Variants in ATRNL1 observed in about 807,000 individuals in gnomAD.
ATRNL1 encodes attractin like 1, also known as attractin-like protein 1.
Under a neutral mutation model 182.7 loss-of-function variants are expected in ATRNL1, and 95 were observed. The observed-to-expected ratio is 0.52, with a 90% CI of 0.44 to 0.62. The LOEUF (loss-of-function observed/expected upper bound fraction) is 0.62. Among genes scored for constraint, ATRNL1 ranks in the 20% least tolerant of loss-of-function variants. The pLI, the probability that ATRNL1 is intolerant of heterozygous loss-of-function variation, is 0.00. For missense variants in ATRNL1, 1,471 were observed against 1,679.5 expected, an observed-to-expected ratio of 0.88 and a Z score of 2.17; for synonymous variants, 576 against 568.3, an observed-to-expected ratio of 1.01 and a Z score of -0.19.
intron 8 of ATRNL1, among the ~76,000 whole-genome samples, chr10:115,207,481 G>T (rs1282815789): frequency 2.0e-5 from 3 of 151,756 alleles, no homozygotes; most frequent in Non-Finnish European, 2.9e-5. Flanking sequence ...GCAATAGCAG[G>T]TATAATTTTC....
chr10:115,171,891 AG>A (rs1177916493), intron 8 of ATRNL1, among the ~76,000 whole-genome samples: 1 of 152,070 alleles, frequency 6.6e-6, no homozygotes, highest in Non-Finnish European at 1.5e-5. Flanking sequence ...TTTTTAAAAC[AG>A]TGGTAACCTT....
At chr10:115,291,419 C>G (rs1288775944) in intron 15 of ATRNL1, among the ~76,000 whole-genome samples, 2 of 152,052 alleles carry the variant, frequency 1.3e-5, no homozygotes, top group African/African-American at 4.8e-5. Context: ...TTTAGCTTTT[C>G]CTGTTCAGTA....
chr10:115,204,219 A>G (rs1848712540), intron 8 of ATRNL1, among the ~76,000 whole-genome samples: 1 of 151,940 alleles, frequency 6.6e-6, no homozygotes, highest in African/African-American at 2.4e-5. Flanking sequence ...AGTTTTTTAC[A>G]TATAACATCA....
intron 27 of ATRNL1, among the ~76,000 whole-genome samples, chr10:115,804,206 T>C (rs1949865879): frequency 6.6e-6 from 1 of 152,210 alleles, no homozygotes; most frequent in Admixed American, 6.5e-5. Flanking sequence ...GGCTCTTAAC[T>C]ACTTTGATGC....
intron 19 of ATRNL1, among the ~76,000 whole-genome samples, chr10:115,368,229 G>T (rs1857173155): frequency 6.6e-6 from 1 of 152,230 alleles, no homozygotes. Context: ...ATCTCGCGGT[G>T]CGCCGTTTTT....
intron 21 of ATRNL1, 101 bp downstream of exon 21, chr10:115,426,403 G>T: frequency 5.2e-6 from 4 of 772,468 alleles, no homozygotes; most frequent in South Asian, 4.2e-5. Context: ...TGAATATCTT[G>T]CAATTTCTAT....
chr10:115,830,246 A>G (rs1487189594), intron 27 of ATRNL1, among the ~76,000 whole-genome samples: 4 of 152,198 alleles, frequency 2.6e-5, no homozygotes, highest in Non-Finnish European at 5.9e-5. Flanking sequence ...AAGAATATGT[A>G]GGAAAAAAAT....
At chr10:115,764,508 T>G (rs1180305326) in intron 27 of ATRNL1, among the ~76,000 whole-genome samples, 1 of 152,164 alleles carries the variant, frequency 6.6e-6, no homozygotes, top group Non-Finnish European at 1.5e-5. Flanking sequence ...TGGCAAACAC[T>G]GATCTTTTTA....
rs149507147 is a variant in ATRNL1 at position 115,942,174 on chromosome 10, G to A, written c.4019-2484G>A. On this transcript the variant is annotated intron_variant, in intron 28 of 28. Coordinates refer to ENST00000355044, the MANE Select transcript of ATRNL1 (RefSeq NM_207303.4). The stretch of plus-strand genomic sequence containing the variant: ...AAGGCTCCCTTTTCCTTTAAATAAT[G>A]CACTTACATAATTCCATGCATCCAC... Among the ~76,000 whole-genome samples, 674 of 152,234 alleles carry A rather than the reference G, an allele frequency of 4.4e-3. 5 individuals are homozygous for A. The highest frequency in any genetic ancestry group is 0.016 in the African/African-American group (644 of 41,540).
At chr10:115,210,789 G>T (rs1564823127) in intron 8 of ATRNL1, among the ~76,000 whole-genome samples, 1 of 151,638 alleles carries the variant, frequency 6.6e-6, no homozygotes, top group Non-Finnish European at 1.5e-5. Context: ...TTAGTGGTTG[G>T]TCTGTGTGTT....
rs186870784 is a variant in ATRNL1, at chr10:115,814,606, A to G, written c.3904-33271A>G. 1.1e-4 allele frequency among the ~76,000 whole-genome samples: 16 copies of G among 152,186 alleles called. No homozygotes were observed. The East Asian group carries it at 2.5e-3, about 24-fold the overall frequency. On this transcript the variant is annotated intron_variant, in intron 27 of 28. Coordinates refer to ENST00000355044, the MANE Select transcript of ATRNL1 (RefSeq NM_207303.4). ...TTGCTCACTGGACAAGGCAGACTAA[A>G]TGTTTTTTTCCTAAGGGTTTCTTCT...
At chr10:115,735,221 A>G (rs1267648392) in intron 27 of ATRNL1, among the ~76,000 whole-genome samples, 2 of 152,200 alleles carry the variant, frequency 1.3e-5, no homozygotes, top group Non-Finnish European at 2.9e-5. Context: ...TCTTTTGATA[A>G]TAAACTCTCT....
intron 17 of ATRNL1, 98 bp from the exon 18 acceptor site, chr10:115,315,420 A>C: frequency 3.4e-6 from 3 of 879,980 alleles, no homozygotes; most frequent in Non-Finnish European, 5.2e-6. Flanking sequence ...ATGACCTTTC[A>C]TGGTTTTTAT....
chr10:115,921,316 T>C (rs1385993815), intron 28 of ATRNL1, among the ~76,000 whole-genome samples: 2 of 82,656 alleles, frequency 2.4e-5, no homozygotes. Context: ...ATATAGGTTG[T>C]ATTTAAGCAG....
At chr10:115,206,366 G>A (rs996302638) in intron 8 of ATRNL1, among the ~76,000 whole-genome samples, 4 of 151,762 alleles carry the variant, frequency 2.6e-5, no homozygotes. Flanking sequence ...ACATCTTTTT[G>A]TTTTGTTTTT....
chr10:115,163,326 T>C (rs1846887188), intron 6 of ATRNL1, among the ~76,000 whole-genome samples: 1 of 151,594 alleles, frequency 6.6e-6, no homozygotes, highest in South Asian at 2.1e-4. Flanking sequence ...TTATTTTTTC[T>C]TTTATTTCTT....
intron 19 of ATRNL1, among the ~76,000 whole-genome samples, chr10:115,368,606 TCTAACAAAAA>T (rs1465683645): frequency 6.6e-6 from 1 of 152,058 alleles, no homozygotes; most frequent in African/African-American, 2.4e-5. Flanking sequence ...ATTCTTCCTT[TCTAACAAAAA>T]CTTTGTACAT....
chr10:115,163,404 C>G (rs1326044123), intron 6 of ATRNL1, among the ~76,000 whole-genome samples: 1 of 150,516 alleles, frequency 6.6e-6, no homozygotes, highest in African/African-American at 2.4e-5. Context: ...TTATCTGTCA[C>G]CCAGGCTGGA....
intron 28 of ATRNL1, among the ~76,000 whole-genome samples, chr10:115,930,507 A>G (rs1953363225): frequency 1.3e-5 from 2 of 152,162 alleles, no homozygotes; most frequent in Non-Finnish European, 2.9e-5. Context: ...GCCACCTACA[A>G]TTCAACTATT....
Sources: gnomAD v4.1 joint callset for allele counts (sites outside exome capture counted in the v4.1 genomes callset) on GRCh38, gnomAD v4.1.1 for gene constraint, MANE v1.5 for transcripts, NCBI Gene and HGNC (gene_info 2026-07-23, HGNC 2026-07-21) for gene names.